The following PDS5A variants were observed in gnomAD, a reference collection of about 807,000 sequenced individuals.
PDS5A encodes PDS5 cohesin associated factor A.
In PDS5A, 42 loss-of-function variants were observed where a neutral mutation model predicts 167.1. That is an observed-to-expected ratio of 0.25 (90% CI 0.20 to 0.33). The LOEUF is 0.33. PDS5A is among the 10% of genes least tolerant of loss of function. The pLI is 1.00. For missense variants in PDS5A, 1,033 were observed against 1,605.9 expected, an observed-to-expected ratio of 0.64 and a Z score of 6.10; for synonymous variants, 553 against 554.6, an observed-to-expected ratio of 1.00 and a Z score of 0.04.
At chr4:39,838,359 TGAGGA>T (rs1213594713) in intron 31 of PDS5A, among the ~76,000 whole-genome samples, 151 bp from the exon 32 acceptor site, 1 of 152,212 alleles carries the variant, frequency 6.6e-6, no homozygotes, top group Non-Finnish European at 1.5e-5. Context: ...GTAAGCTCCT[TGAGGA>T]GAGTGACTGT....
chr4:39,897,926 G>GA, intron 16 of PDS5A: 1 of 479,660 alleles, frequency 2.1e-6, no homozygotes, highest in Non-Finnish European at 2.7e-6. Context: ...ATAGCTTTAA[G>GA]AATATTGGTT....
chr4:39,856,396 A>G (rs71606198), intron 26 of PDS5A, among the ~76,000 whole-genome samples: 1 of 152,242 alleles, frequency 6.6e-6, no homozygotes, highest in African/African-American at 2.4e-5. Context: ...ATGAAAGAAC[A>G]CTACATAGTA....
intron 17 of PDS5A, among the ~76,000 whole-genome samples, chr4:39,881,177 G>A (rs186527730): frequency 2.0e-5 from 3 of 151,800 alleles, no homozygotes; most frequent in Non-Finnish European, 2.9e-5. Context: ...ATTTATTTAT[G>A]TACCATATTT....
At chr4:39,911,520 C>T (rs1260869843) in intron 9 of PDS5A, among the ~76,000 whole-genome samples, 4 of 151,900 alleles carry the variant, frequency 2.6e-5, no homozygotes, top group Non-Finnish European at 4.4e-5. Context: ...TAACATACAA[C>T]ACAATATGTA....
chr4:39,898,368 T>C, intron 16 of PDS5A, 21 bp downstream of exon 16: 1 of 1,521,748 alleles, frequency 6.6e-7, no homozygotes, highest in African/African-American at 1.4e-5. Flanking sequence ...AGAGAAAAAG[T>C]GTGAAGTATG....
chr4:39,835,422 T>G (rs1716297012), intron 32 of PDS5A, among the ~76,000 whole-genome samples: 1 of 152,218 alleles, frequency 6.6e-6, no homozygotes, highest in Non-Finnish European at 1.5e-5. Context: ...GGGCACATAG[T>G]GCAGCTAAAA....
At chr4:39,833,877 A>G (rs1716147258) in intron 32 of PDS5A, among the ~76,000 whole-genome samples, 1 of 152,216 alleles carries the variant, frequency 6.6e-6, no homozygotes, top group Admixed American at 6.5e-5. Context: ...ATTAAAGTTG[A>G]GCAAGCTTTC....
At chr4:39,907,739 A>T (rs1037140948) in intron 11 of PDS5A, among the ~76,000 whole-genome samples, 1 of 151,966 alleles carries the variant, frequency 6.6e-6, no homozygotes, top group Non-Finnish European at 1.5e-5. Context: ...GGTGCCCGCC[A>T]CCATGCTCAG....
At position 39,825,228 on chromosome 4, in the gene PDS5A, G is replaced by A. The variant is rs1040706588; in HGVS notation, c.*257C>T. ...CAATTTGCTTAATTATTGACTTTTC[G>A]TAAGAAAAGTCTAGGGGAAGGGGGA... On this transcript the variant is annotated 3_prime_UTR_variant, in exon 33 of 33. Transcript: ENST00000303538. The A allele has an allele frequency of 1.6e-5, 6 of 375,370 alleles. No homozygotes were observed. Among genetic ancestry groups the A allele is most frequent in the East Asian group, 3.9e-5 (1 of 25,658 alleles). 23.3% of individuals were successfully genotyped at this position (375,370 alleles called of 1,614,324 possible).
intron 26 of PDS5A, among the ~76,000 whole-genome samples, chr4:39,861,259 C>G (rs1718969789): frequency 6.6e-6 from 1 of 151,634 alleles, no homozygotes; most frequent in African/African-American, 2.4e-5. Flanking sequence ...AGGAGAGCAG[C>G]CTGGCCAACA....
chr4:39,934,757 C>T (rs1221722507), intron 2 of PDS5A, among the ~76,000 whole-genome samples: 1 of 151,588 alleles, frequency 6.6e-6, no homozygotes, highest in Non-Finnish European at 1.5e-5. Flanking sequence ...TGAATATTTA[C>T]CACATTCCAG....
chr4:39,937,786 A>C (rs1043775175), intron 2 of PDS5A, among the ~76,000 whole-genome samples: 1 of 152,206 alleles, frequency 6.6e-6, no homozygotes, highest in Non-Finnish European at 1.5e-5. Context: ...TGGTAGAACC[A>C]CTTTGCTGCT....
intron 2 of PDS5A, among the ~76,000 whole-genome samples, chr4:39,940,157 C>T (rs1198819988): frequency 6.7e-6 from 1 of 149,984 alleles, no homozygotes; most frequent in Non-Finnish European, 1.5e-5. Context: ...ACTTGGGAGG[C>T]TAAATGAGAT....
At chr4:39,946,335 A>T (rs1727766320) in intron 2 of PDS5A, among the ~76,000 whole-genome samples, 1 of 152,136 alleles carries the variant, frequency 6.6e-6, no homozygotes, top group South Asian at 2.1e-4. Context: ...GAGGAAAATC[A>T]ACAGTAAGTA....
chr4:39,949,635 G>A lies in PDS5A; in HGVS notation c.139-21471C>T, dbSNP rs570887274. On this transcript the variant is annotated intron_variant, in intron 2 of 32. Coordinates refer to ENST00000303538, the MANE Select transcript of PDS5A (RefSeq NM_001100399.2). Reference sequence around the variant, plus strand: ...CATTTGAGCCCAGGAGTTCAAGACCGGACTGGGCAACAGGTGAAACCCCAT... The same window carrying A: ...CATTTGAGCCCAGGAGTTCAAGACCAGACTGGGCAACAGGTGAAACCCCAT... Among the ~76,000 whole-genome samples, 15 of 151,128 alleles carry A rather than the reference G, an allele frequency of 9.9e-5. No individual in the cohort carries two copies. In the South Asian group the frequency reaches 1.5e-3, roughly 15 times the overall value.
chr4:39,856,726 G>A (rs2109532451), intron 26 of PDS5A, among the ~76,000 whole-genome samples: 1 of 152,254 alleles, frequency 6.6e-6, no homozygotes, highest in South Asian at 2.1e-4. Flanking sequence ...TGAGGCAGGA[G>A]AATTGCTTGA....
chr4:39,955,754 C>T (rs553946591), intron 2 of PDS5A, among the ~76,000 whole-genome samples: 3 of 151,842 alleles, frequency 2.0e-5, no homozygotes, highest in Admixed American at 6.6e-5. Context: ...GTTGGGAATA[C>T]TCTGTACATT....
rs545012008 is a variant in PDS5A, at chr4:39,976,613, G to A, written c.-36C>T. The A allele has an allele frequency of 9.0e-6, 14 of 1,553,756 alleles. No individual in the cohort carries two copies. The South Asian group carries it at 1.3e-4, about 14-fold the overall frequency. The stretch of plus-strand genomic sequence containing the variant: ...AACTTTTGGTTCACAGTCCTCTACC[G>A]GCCTCTATCGGTCAGAAAACCAAAG... On this transcript the variant is annotated 5_prime_UTR_variant, in exon 2 of 33. Transcript: ENST00000303538.
At chr4:39,899,851 TAA>T (rs532738160) in intron 14 of PDS5A, among the ~76,000 whole-genome samples, 6,163 of 101,640 alleles carry the variant, frequency 0.061, 175 homozygotes, top group Non-Finnish European at 0.078. Flanking sequence ...TCCTGTGTAT[TAA>T]AAAAAAAAAA....
Sources: allele counts gnomAD v4.1 joint callset (sites outside exome capture counted in the v4.1 genomes callset), GRCh38; gene constraint gnomAD v4.1.1; transcripts MANE v1.5; gene names NCBI Gene and HGNC (gene_info 2026-07-23, HGNC 2026-07-21).